The following COL26A1 variants were observed in gnomAD, a reference collection of about 807,000 sequenced individuals.
COL26A1 encodes the protein collagen alpha-1(XXVI) chain.
A neutral mutation model predicts 59.3 loss-of-function variants in COL26A1; 41 were observed. That is an observed-to-expected ratio of 0.69 (90% confidence interval 0.54 to 0.90). COL26A1 has a LOEUF of 0.90. Among genes scored for constraint, COL26A1 ranks in the 40% least tolerant of loss-of-function variants. The pLI is 0.00. For synonymous variants in COL26A1, 266 were observed against 256.0 expected (o/e 1.04, Z -0.37); for missense variants, 612 against 602.3 (o/e 1.02, Z -0.17).
intron 3 of COL26A1, among the ~76,000 whole-genome samples, chr7:101,467,616 C>A (rs529553303): frequency 6.7e-6 from 1 of 150,082 alleles, no homozygotes; most frequent in East Asian, 1.9e-4. Flanking sequence ...GCCTGTAATC[C>A]CAGCACTTTG....
At chr7:101,465,573 A>G (rs1472335901) in intron 3 of COL26A1, among the ~76,000 whole-genome samples, 1 of 151,886 alleles carries the variant, frequency 6.6e-6, no homozygotes, top group Non-Finnish European at 1.5e-5. Context: ...GCATGCCTGT[A>G]GTCCCAGCTA....
At chr7:101,485,048 C>T (rs918110381) in intron 3 of COL26A1, among the ~76,000 whole-genome samples, 1 of 152,116 alleles carries the variant, frequency 6.6e-6, no homozygotes, top group African/African-American at 2.4e-5. Flanking sequence ...GACGGGGTTT[C>T]ACTATATTGG....
chr7:101,386,065 A>G (rs554333792), intron 1 of COL26A1, among the ~76,000 whole-genome samples: 1 of 152,224 alleles, frequency 6.6e-6, no homozygotes, highest in East Asian at 1.9e-4. Context: ...AAAAACCTCA[A>G]AACCTTGTTG....
At chr7:101,467,532 C>G (rs1793793095) in intron 3 of COL26A1, among the ~76,000 whole-genome samples, 1 of 151,652 alleles carries the variant, frequency 6.6e-6, no homozygotes, top group Admixed American at 6.6e-5. Context: ...CTGGCTGCTG[C>G]CATCTTGTCT....
chr7:101,443,570 T>C (rs1233035988), intron 2 of COL26A1, among the ~76,000 whole-genome samples: 1 of 152,186 alleles, frequency 6.6e-6, no homozygotes, highest in Non-Finnish European at 1.5e-5. Flanking sequence ...TGTGAAGTTA[T>C]GTAGTTTTGT....
At chr7:101,441,484 G>T (rs535827201) in intron 2 of COL26A1, among the ~76,000 whole-genome samples, 7 of 152,036 alleles carry the variant, frequency 4.6e-5, no homozygotes, top group Admixed American at 3.3e-4. Context: ...GCTATTTTTT[G>T]TGTGTGTGTT....
chr7:101,456,990 C>T (rs1793488779), intron 3 of COL26A1, among the ~76,000 whole-genome samples: 1 of 152,200 alleles, frequency 6.6e-6, no homozygotes, highest in Non-Finnish European at 1.5e-5. Context: ...TTTTAATTAA[C>T]ATGATGCCGG....
chr7:101,486,843 A>G (rs1794279731), intron 3 of COL26A1, among the ~76,000 whole-genome samples: 1 of 152,200 alleles, frequency 6.6e-6, no homozygotes, highest in African/African-American at 2.4e-5. Context: ...GATGGAATTT[A>G]TGTTCCTTTG....
At chr7:101,440,248 C>T (rs1461489075) in intron 2 of COL26A1, among the ~76,000 whole-genome samples, 1 of 151,912 alleles carries the variant, frequency 6.6e-6, no homozygotes, top group African/African-American at 2.4e-5. Context: ...CGCCTGTAAT[C>T]CCAGCTACTC....
intron 2 of COL26A1, among the ~76,000 whole-genome samples, chr7:101,422,372 GAAAA>G (rs3072484): frequency 0.021 from 1,528 of 73,034 alleles, 33 homozygotes; most frequent in East Asian, 0.14. Flanking sequence ...GGTCCAAAAT[GAAAA>G]AAAAAAAAAA....
At chr7:101,503,219 C>G (rs1471762711) in intron 3 of COL26A1, among the ~76,000 whole-genome samples, 1 of 152,204 alleles carries the variant, frequency 6.6e-6, no homozygotes, top group Non-Finnish European at 1.5e-5. Flanking sequence ...TCTAACAATG[C>G]ATGGTGCTGG....
intron 3 of COL26A1, among the ~76,000 whole-genome samples, chr7:101,464,502 C>T (rs956013128): frequency 6.6e-6 from 1 of 151,926 alleles, no homozygotes; most frequent in Non-Finnish European, 1.5e-5. Flanking sequence ...AACTCTGCCT[C>T]CCGGGTTCAA....
At chr7:101,542,407 T>A (rs1795636370) in intron 5 of COL26A1, among the ~76,000 whole-genome samples, 1 of 152,146 alleles carries the variant, frequency 6.6e-6, no homozygotes, top group Non-Finnish European at 1.5e-5. Context: ...AGCCTACAGA[T>A]ATCACTCTTA....
chr7:101,519,492 C>G (rs1795096333), intron 3 of COL26A1, among the ~76,000 whole-genome samples: 1 of 152,162 alleles, frequency 6.6e-6, no homozygotes, highest in African/African-American at 2.4e-5. Context: ...GCTGCCGGGC[C>G]CTGCTGGTGG....
At chr7:101,454,800 T>C (rs74804363) in intron 3 of COL26A1, among the ~76,000 whole-genome samples, 5,501 of 152,270 alleles carry the variant, frequency 0.036, 111 homozygotes, top group Non-Finnish European at 0.053. Flanking sequence ...ACAGTAAATA[T>C]GTTAAAAGGT....
At chr7:101,443,690 T>C (rs533375742) in intron 2 of COL26A1, among the ~76,000 whole-genome samples, 6 of 152,308 alleles carry the variant, frequency 3.9e-5, no homozygotes, top group African/African-American at 1.4e-4. Context: ...TCATGCATTT[T>C]ATATTCGCGA....
At chr7:101,465,034 CTTTT>C (rs112899121) in intron 3 of COL26A1, among the ~76,000 whole-genome samples, 4 of 130,054 alleles carry the variant, frequency 3.1e-5, no homozygotes, top group Non-Finnish European at 3.3e-5. Flanking sequence ...TTCTTTCTTT[CTTTT>C]TTTTTTTTTT....
chr7:101,412,836 A>C (rs1792274912), intron 1 of COL26A1, among the ~76,000 whole-genome samples: 1 of 151,952 alleles, frequency 6.6e-6, no homozygotes, highest in African/African-American at 2.4e-5. Flanking sequence ...TCCTGGGGGA[A>C]ACTAAGAACC....
At position 101,469,844 on chromosome 7, in the gene COL26A1, C is replaced by A. The variant is rs1176770972; in HGVS notation, c.385+22057C>A. 2.0e-5 allele frequency among the ~76,000 whole-genome samples: 3 copies of A among 152,046 alleles called. No individual in the cohort carries two copies. In the East Asian group the frequency reaches 5.8e-4, roughly 29 times the overall value. ...TAATTCGCTAGAACCACTCACAGAA[C>A]TCAGGAAAGCACTTTGCTGATGGTT... On this transcript the variant is annotated intron_variant, in intron 3 of 12. Coordinates refer to ENST00000313669, the MANE Select transcript of COL26A1 (RefSeq NM_001278563.3).
Sources: gnomAD v4.1 joint callset for allele counts (sites outside exome capture counted in the v4.1 genomes callset) on GRCh38, gnomAD v4.1.1 for gene constraint, MANE v1.5 for transcripts, NCBI Gene and HGNC (gene_info 2026-07-23, HGNC 2026-07-21) for gene names.